KIF13B: variants seen among roughly 807,000 people sequenced by gnomAD.
KIF13B encodes kinesin family member 13B.
A neutral mutation model predicts 222.0 loss-of-function variants in KIF13B; 127 were observed. The ratio of observed to expected loss-of-function variants is 0.57; its 90% CI spans 0.50 to 0.66. KIF13B has a LOEUF of 0.66. Ranked by LOEUF, KIF13B falls within the 30% of genes least tolerant of loss-of-function variation. The pLI is 0.00. For synonymous variants in KIF13B, 976 were observed against 919.0 expected, an observed-to-expected ratio of 1.06 and a Z score of -1.12; for missense variants, 2,173 against 2,379.0, an observed-to-expected ratio of 0.91 and a Z score of 1.80.
At chr8:29,187,859 A>G (rs1367401166) in intron 5 of KIF13B, among the ~76,000 whole-genome samples, 2 of 152,232 alleles carry the variant, frequency 1.3e-5, no homozygotes, top group Admixed American at 6.5e-5. Flanking sequence ...AAGGTCTATG[A>G]TCATCAGCCT....
intron 2 of KIF13B, among the ~76,000 whole-genome samples, chr8:29,241,178 A>C (rs959747653): frequency 1.3e-5 from 2 of 152,226 alleles, no homozygotes; most frequent in Non-Finnish European, 2.9e-5. Flanking sequence ...TGATGCTAAG[A>C]AGCCAATCAC....
chr8:29,157,061 T>A (rs1811566045), intron 13 of KIF13B, among the ~76,000 whole-genome samples: 1 of 151,980 alleles, frequency 6.6e-6, no homozygotes, highest in Non-Finnish European at 1.5e-5. Context: ...ACCCACCCCA[T>A]GTCAATCAGG....
At chr8:29,135,964 A>ATACTTT (rs58542851) in intron 21 of KIF13B, among the ~76,000 whole-genome samples, 1 of 151,390 alleles carries the variant, frequency 6.6e-6, no homozygotes, top group Non-Finnish European at 1.5e-5. Flanking sequence ...CACAAACCAG[A>ATACTTT]TATTTTCTTC....
chr8:29,113,424 G>T, intron 32 of KIF13B, 39 bp downstream of exon 32: 1 of 1,260,770 alleles, frequency 7.9e-7, no homozygotes, highest in Non-Finnish European at 1.1e-6. Flanking sequence ...CTCTTTTTAA[G>T]TGTTTATTTT....
chr8:29,250,061 T>C, intron 1 of KIF13B: 1 of 1,288,532 alleles, frequency 7.8e-7, no homozygotes, highest in Non-Finnish European at 1.0e-6. Context: ...CCATATTGTA[T>C]CAGCTGGCTC....
Position 29,140,117 on chromosome 8 carries a change from C to G in KIF13B, c.2559G>C (p.Glu853Asp), listed in dbSNP as rs1168141885. 6.2e-7 allele frequency: 1 copy of G among 1,612,404 alleles called. No individual in the cohort carries two copies. Among genetic ancestry groups the G allele is most frequent in the African/African-American group, 1.3e-5 (1 of 75,022 alleles). ...DVGERIAGGD[E>D]VAEVSFEKET... ...CCTTCTCAAAGGAGACCTCTGCCAC[C>G]TCATCGCCTCCTGCGATCCTCTCCC... The change falls in exon 21 of 40, where the codon GAG becomes GAC. Residue 853 changes from glutamate to aspartate, a missense_variant. Coordinates refer to ENST00000524189, the MANE Select transcript of KIF13B (RefSeq NM_015254.4).
intron 35 of KIF13B, among the ~76,000 whole-genome samples, chr8:29,100,027 C>T (rs1394115270): frequency 6.6e-6 from 1 of 152,182 alleles, no homozygotes; most frequent in Non-Finnish European, 1.5e-5. Context: ...TAGTGCATAA[C>T]AGTAAATATT....
At chr8:29,257,517 T>C (rs182646761) in intron 1 of KIF13B, among the ~76,000 whole-genome samples, 10 of 152,352 alleles carry the variant, frequency 6.6e-5, no homozygotes, top group Admixed American at 6.5e-4. Flanking sequence ...GGACAGTTAT[T>C]GTTTTATGGA....
chr8:29,099,257 T>G lies in KIF13B; in HGVS notation c.4216-16A>C, dbSNP rs1039859954. On this transcript the variant is annotated splice_polypyrimidine_tract_variant and intron_variant, in intron 35 of 39. Coordinates refer to ENST00000524189, the MANE Select transcript of KIF13B (RefSeq NM_015254.4). ...CCCACCGGCCCTAGTAAAGACAAAATTGGCAATTTTGTTTCAAGTTATTCA... is the reference window on the plus strand; with the variant it reads ...CCCACCGGCCCTAGTAAAGACAAAAGTGGCAATTTTGTTTCAAGTTATTCA... 2.6e-6 allele frequency: 4 copies of G among 1,563,188 alleles called. No homozygotes were observed.
intron 2 of KIF13B, among the ~76,000 whole-genome samples, chr8:29,224,668 C>CA (rs1047628651): frequency 6.6e-6 from 1 of 151,536 alleles, no homozygotes; most frequent in African/African-American, 2.4e-5. Context: ...TAGAACCCCC[C>CA]CCCATTCATT....
chr8:29,253,148 G>A lies in KIF13B; in HGVS notation c.56-7709C>T, dbSNP rs982528202. Among the ~76,000 whole-genome samples the A allele has an allele frequency of 4.6e-5, 7 of 152,028 alleles. 1 individual carries two copies. The highest frequency in any genetic ancestry group is 1.5e-4 in the African/African-American group (6 of 41,368). On this transcript the variant is annotated intron_variant, in intron 1 of 39. Coordinates refer to ENST00000524189, the MANE Select transcript of KIF13B (RefSeq NM_015254.4). ...GAGGCCAGGAGTTCAAGACTAGCCT[G>A]AGCAACACAGCAAGAACCTGTCCCT... is the stretch of plus-strand genomic sequence containing the variant.
intron 37 of KIF13B, among the ~76,000 whole-genome samples, chr8:29,083,090 C>T (rs1253023237): frequency 2.6e-5 from 4 of 152,128 alleles, no homozygotes; most frequent in Non-Finnish European, 5.9e-5. Context: ...GATCACACCA[C>T]TGCACTCCAG....
At chr8:29,122,440 C>T in intron 29 of KIF13B, 151 bp downstream of exon 29, 1 of 653,252 alleles carries the variant, frequency 1.5e-6, no homozygotes, top group African/African-American at 1.8e-5. Context: ...ACCAATCAGT[C>T]CGTCTGCAAC....
At chr8:29,180,040 GA>G (rs1812645702) in intron 8 of KIF13B, 63 bp downstream of exon 8, 9 of 1,584,888 alleles carry the variant, frequency 5.7e-6, no homozygotes, top group South Asian at 1.1e-5. Flanking sequence ...ACCTGAAGAG[GA>G]AAAAAATAAA....
Position 29,108,209 on chromosome 8 carries a change from G to C in KIF13B, c.4162-17C>G. On this transcript the variant is annotated splice_polypyrimidine_tract_variant and intron_variant, in intron 34 of 39. Transcript: ENST00000524189. ...TCCAGACAACTGAAGAAGAAAGAAA[G>C]GGGGGTTAGTTATTTATGCATCAGA... 6.2e-7 allele frequency: 1 copy of C among 1,609,162 alleles called. No homozygotes were observed. The highest frequency in any genetic ancestry group is 8.5e-7 in the Non-Finnish European group (1 of 1,177,442).
intron 37 of KIF13B, among the ~76,000 whole-genome samples, chr8:29,077,199 CT>C (rs1807603726): frequency 1.3e-5 from 2 of 152,146 alleles, no homozygotes; most frequent in Non-Finnish European, 1.5e-5. Context: ...AGAACAAGAC[CT>C]TCAGCCTCCA....
chr8:29,083,719 C>A (rs1034917154), intron 37 of KIF13B, among the ~76,000 whole-genome samples: 1 of 152,098 alleles, frequency 6.6e-6, no homozygotes, highest in Non-Finnish European at 1.5e-5. Context: ...CTAAACTGAA[C>A]AGAAATCAGT....
intron 14 of KIF13B, among the ~76,000 whole-genome samples, chr8:29,153,112 C>T (rs1811372866): frequency 6.6e-6 from 1 of 152,088 alleles, no homozygotes; most frequent in African/African-American, 2.4e-5. Context: ...TATGTAGTTA[C>T]TTAAGATGCT....
chr8:29,122,925 G>A (rs1398773822), intron 28 of KIF13B, among the ~76,000 whole-genome samples: 1 of 152,054 alleles, frequency 6.6e-6, no homozygotes, highest in Admixed American at 6.6e-5. Context: ...TATACTTAAG[G>A]GCTTCCTCTG....
Sources: gnomAD v4.1 joint callset for allele counts (sites outside exome capture counted in the v4.1 genomes callset) on GRCh38, gnomAD v4.1.1 for gene constraint, MANE v1.5 for transcripts, NCBI Gene and HGNC (gene_info 2026-07-23, HGNC 2026-07-21) for gene names.